TEKT4: variants seen among roughly 807,000 people sequenced by gnomAD.
TEKT4 encodes tektin 4, also known as tektin-4.
Under a neutral mutation model 46.0 loss-of-function variants are expected in TEKT4, and 46 were observed. The observed-to-expected ratio is 1.00, with a 90% CI of 0.79 to 1.28. The LOEUF (loss-of-function observed/expected upper bound fraction) is 1.28, where lower values mean the gene tolerates loss of function less well. Ranked by LOEUF, TEKT4 falls within the 50% of genes most tolerant of loss-of-function variation. TEKT4 has a pLI of 0.00. For missense variants in TEKT4, 790 were observed against 622.9 expected (o/e 1.27, Z -2.85); for synonymous variants, 325 against 265.8 (o/e 1.22, Z -2.17).
chr2:94,876,535 C>G lies in TEKT4; in HGVS notation c.1092-18C>G, dbSNP rs1382778409. 3 of 1,587,078 alleles carry G rather than the reference C, an allele frequency of 1.9e-6. No homozygotes were observed. Among genetic ancestry groups the G allele is most frequent in the Non-Finnish European group, 2.6e-6 (3 of 1,167,980 alleles). On this transcript the variant is annotated intron_variant, in intron 5 of 5. Transcript: ENST00000295201. ...CTGCCCTCCCTAGCCCCGGCTCACACCCCCCCAACACCCCCAGGCTGTTGA... is the reference window on the plus strand; with the variant it reads ...CTGCCCTCCCTAGCCCCGGCTCACAGCCCCCCAACACCCCCAGGCTGTTGA...
rs536981297 is a variant in TEKT4, at chr2:94,875,626, G to T, written c.975G>T (p.Ala325=). ...TCACAGATCAGGAACACAACGTGGC[G>T]GCACTGAAGCAGGCCATCAAGGACA... ...REITDQEHNV[A]ALKQAIKDKE... Residue 325 remains alanine (A), a synonymous_variant, in exon 5 of 6, where the codon GCG becomes GCT. Transcript: ENST00000295201. 1.2e-6 allele frequency: 2 copies of T among 1,614,018 alleles called. No individual in the cohort carries two copies. Among genetic ancestry groups the T allele is most frequent in the Admixed American group, 1.7e-5 (1 of 60,010 alleles).
Position 94,876,639 on chromosome 2 carries a change from T to C in TEKT4, c.1178T>C (p.Leu393Pro). Residue 393 changes from leucine (L) to proline (P), a missense_variant, in exon 6 of 6, where the codon CTC becomes CCC. Coordinates refer to ENST00000295201, the MANE Select transcript of TEKT4 (RefSeq NM_144705.4). ...GAAGCGGAGCAGTCCCTGCGCAACCTCGAGGACATCCACATGAGCCTGGAG... is the reference window on the plus strand; with the variant it reads ...GAAGCGGAGCAGTCCCTGCGCAACCCCGAGGACATCCACATGAGCCTGGAG... ...LLEAEQSLRN[L>P]EDIHMSLEKD... is the part of the protein sequence containing the mutation. The C allele has an allele frequency of 1.2e-6, 2 of 1,613,160 alleles. No individual in the cohort carries two copies. Among genetic ancestry groups the C allele is most frequent in the Non-Finnish European group, 1.7e-6 (2 of 1,179,940 alleles).
At position 94,871,931 on chromosome 2, in the gene TEKT4, T is replaced by C. The variant is rs1553394675; in HGVS notation, c.352T>C (p.Leu118=). The part of the protein sequence containing the change: ...EMEALAAETN[L]LLAQKQRLER... ...GGAGGCGCTGGCTGCGGAGACCAAC[T>C]TGCTCCTGGCCCAGAAGCAACGGCT... Residue 118 remains leucine (L), a synonymous_variant, in exon 1 of 6, where the codon TTG becomes CTG. Transcript: ENST00000295201. 2 of 1,599,704 alleles carry C rather than the reference T, an allele frequency of 1.3e-6. No homozygotes were observed. The highest frequency in any genetic ancestry group is 1.3e-5 in the African/African-American group (1 of 74,958).
chr2:94,875,634 A>G lies in TEKT4; in HGVS notation c.983A>G (p.Lys328Arg), dbSNP rs781830360. 5.6e-6 allele frequency: 9 copies of G among 1,614,078 alleles called. No individual in the cohort carries two copies. Among genetic ancestry groups the G allele is most frequent in the Middle Eastern group, 3.3e-4 (2 of 6,082 alleles). Reference protein sequence around the residue: ...TDQEHNVAALKQAIKDKEAPL... With the variant: ...TDQEHNVAALRQAIKDKEAPL... ...CAGGAACACAACGTGGCGGCACTGA[A>G]GCAGGCCATCAAGGACAAAGAGGCA... Residue 328 changes from lysine (K) to arginine (R), a missense_variant, in exon 5 of 6, where the codon AAG (lysine) becomes AGG (arginine). Coordinates refer to ENST00000295201, the MANE Select transcript of TEKT4 (RefSeq NM_144705.4).
Position 94,875,240 on chromosome 2 carries a change from G to A in TEKT4, c.936+242G>A, listed in dbSNP as rs561483657. ...GTGGTCTGGGGAACACTGACCGCCC[G>A]GGAGGTCCCCAAGAGTCCTGGCCTG... On this transcript the variant is annotated intron_variant, in intron 4 of 5. Transcript: ENST00000295201. Among the ~76,000 whole-genome samples, 61 of 152,292 alleles carry A rather than the reference G, an allele frequency of 4.0e-4. No individual in the cohort carries two copies. In the South Asian group the frequency reaches 4.8e-3, roughly 12 times the overall value.
At position 94,873,958 on chromosome 2, in the gene TEKT4, G is replaced by A. The variant is rs534932103; in HGVS notation, c.570-7G>A. Reference sequence around the variant, plus strand: ...ACACATCAAGGCCCTGCCCCACCCCGCCCCAGACTGAACCGGGAGCACAAG... The same window carrying A: ...ACACATCAAGGCCCTGCCCCACCCCACCCCAGACTGAACCGGGAGCACAAG... On this transcript the variant is annotated splice_region_variant and splice_polypyrimidine_tract_variant and intron_variant, in intron 2 of 5. Transcript: ENST00000295201. 2.4e-5 allele frequency: 26 copies of A among 1,085,002 alleles called. 1 individual carries two copies. Among genetic ancestry groups the A allele is most frequent in the African/African-American group, 1.8e-4 (11 of 61,980 alleles). 67.2% of individuals were successfully genotyped at this position (1,085,002 alleles called of 1,614,324 possible).
At chr2:94,875,801 T>A in intron 5 of TEKT4, 59 bp downstream of exon 5, 3 of 1,557,212 alleles carry the variant, frequency 1.9e-6, no homozygotes, top group Non-Finnish European at 2.6e-6. Flanking sequence ...TCCCTGTGAC[T>A]CTCTCCAATA....
Position 94,871,972 on chromosome 2 carries a change from C to A in TEKT4, c.393C>A (p.Asp131Glu). The change falls in exon 1 of 6, where the codon GAC (aspartate) becomes GAA (glutamate). Residue 131 changes from aspartate (D) to glutamate (E), a missense_variant. Transcript: ENST00000295201. Reference sequence around the variant, plus strand: ...AGCAACGGCTGGAGCGCGCCCTGGACGCCACAGAGGTGCCCTTCTCCATCA... The same window carrying A: ...AGCAACGGCTGGAGCGCGCCCTGGAAGCCACAGAGGTGCCCTTCTCCATCA... ...AQKQRLERALDATEVPFSITT... is the reference protein window; with the variant it reads ...AQKQRLERALEATEVPFSITT... 1 of 1,601,546 alleles carries A rather than the reference C, an allele frequency of 6.2e-7. No homozygotes were observed. Among genetic ancestry groups the A allele is most frequent in the Non-Finnish European group, 8.5e-7 (1 of 1,176,838 alleles).
intron 5 of TEKT4, among the ~76,000 whole-genome samples, chr2:94,876,309 A>T (rs1179034629): frequency 6.6e-6 from 1 of 152,154 alleles, no homozygotes; most frequent in Non-Finnish European, 1.5e-5. Context: ...GGCTGAGGCC[A>T]GTCCTGTCCT....
In TEKT4 at chr2:94,871,569, C is replaced by T. The variant is rs782428062; in HGVS notation, c.-11C>T. ...TCCTCACTCCCCTGGCCCTGGTGGG[C>T]GGCAGGCACCATGGCGCAGACAGTG... is the stretch of plus-strand genomic sequence containing the variant. On this transcript the variant is annotated 5_prime_UTR_variant, in exon 1 of 6. Transcript: ENST00000295201. 31 of 1,586,518 alleles carry T rather than the reference C, an allele frequency of 2.0e-5. No individual in the cohort carries two copies. The highest frequency in any genetic ancestry group is 6.9e-5 in the South Asian group (6 of 87,100).
Position 94,875,104 on chromosome 2 carries a change from T to C in TEKT4, c.936+106T>C, listed in dbSNP as rs1425462436. On this transcript the variant is annotated intron_variant, in intron 4 of 5. Coordinates refer to ENST00000295201, the MANE Select transcript of TEKT4 (RefSeq NM_144705.4). Reference sequence around the variant, plus strand: ...TATCCCGAGGGACCCCAGAAGCAAGTGTCTCCTCTCCGTAAACCTATGTAA... The same window carrying C: ...TATCCCGAGGGACCCCAGAAGCAAGCGTCTCCTCTCCGTAAACCTATGTAA... The C allele has an allele frequency of 1.2e-5, 14 of 1,211,316 alleles. No homozygotes were observed. In the African/African-American group the frequency reaches 1.7e-4, roughly 15 times the overall value. 75.0% of individuals were successfully genotyped at this position (1,211,316 alleles called of 1,614,324 possible). A position where few individuals can be genotyped will look rare whatever the true frequency, so the allele number is the denominator to read the frequency against.
At chr2:94,875,122 C>T in intron 4 of TEKT4, 124 bp downstream of exon 4, 2 of 1,048,584 alleles carry the variant, frequency 1.9e-6, no homozygotes, top group African/African-American at 3.2e-5. Context: ...CTCCGTAAAC[C>T]TATGTAAAAC....
chr2:94,873,270 C>T, intron 1 of TEKT4: 1 of 1,361,074 alleles, frequency 7.3e-7, no homozygotes, highest in Non-Finnish European at 9.5e-7. Context: ...GTGGGAACTG[C>T]CGCTGAGGGA....
In TEKT4 at chr2:94,873,832, C is replaced by A. The variant is rs181118979; in HGVS notation, c.570-133C>A. The stretch of plus-strand genomic sequence containing the variant: ...CGCAGCTCCTGGTCACTGCTGAGCA[C>A]GAGGGCTGCCCGGGACAGGCCCACC... On this transcript the variant is annotated intron_variant, in intron 2 of 5. Transcript: ENST00000295201. 4.5e-6 allele frequency: 6 copies of A among 1,337,864 alleles called. No individual in the cohort carries two copies. In the African/African-American group the frequency reaches 7.3e-5, roughly 16 times the overall value. The allele number at this position is 1,337,864 out of a possible 1,614,324, so 82.9% of individuals were successfully genotyped here. A position where few individuals can be genotyped will look rare whatever the true frequency, so the allele number is the denominator to read the frequency against.
rs1210844467 is a variant in TEKT4 at position 94,874,768 on chromosome 2, C to T, written c.714-8C>T. 2.6e-6 allele frequency: 4 copies of T among 1,557,864 alleles called. No individual in the cohort carries two copies. The highest frequency in any genetic ancestry group is 1.2e-5 in the South Asian group (1 of 85,194). On this transcript the variant is annotated splice_polypyrimidine_tract_variant and splice_region_variant and intron_variant, in intron 3 of 5. Coordinates refer to ENST00000295201, the MANE Select transcript of TEKT4 (RefSeq NM_144705.4). ...CCGACCCTCTCCTGGCTGTCCCCCGCCCCGCAGCGCCTCCACCCCGGAGAC... is the reference window on the plus strand; with the variant it reads ...CCGACCCTCTCCTGGCTGTCCCCCGTCCCGCAGCGCCTCCACCCCGGAGAC...
At position 94,871,717 on chromosome 2, in the gene TEKT4, G is replaced by C; in HGVS notation, c.138G>C (p.Gln46His). 6.2e-7 allele frequency: 1 copy of C among 1,612,614 alleles called. No homozygotes were observed. Among genetic ancestry groups the C allele is most frequent in the South Asian group, 1.1e-5 (1 of 91,086 alleles). Reference protein sequence around the residue: ...TSKYLLEEWFQNCYARYHQAF... With the variant: ...TSKYLLEEWFHNCYARYHQAF... ...AGTACCTGCTGGAGGAGTGGTTCCA[G>C]AACTGCTATGCTCGCTACCACCAGG... is the stretch of plus-strand genomic sequence containing the variant. Residue 46 changes from glutamine (Q) to histidine (H), a missense_variant, in exon 1 of 6, where the codon CAG becomes CAC. Physicochemically the swap from Gln to His is conservative, Grantham distance 24. Coordinates refer to ENST00000295201, the MANE Select transcript of TEKT4 (RefSeq NM_144705.4).
intron 1 of TEKT4, chr2:94,872,982 G>C: frequency 7.8e-7 from 1 of 1,289,460 alleles, no homozygotes; most frequent in Non-Finnish European, 1.0e-6. Context: ...ACACAAGGAA[G>C]TACCCAGTGG....
rs202183695 is a variant in TEKT4, at chr2:94,875,723, C to T, written c.1072C>T (p.Arg358Cys). ...RSHRPNMELC[R>C]DAAQFRLLSE... Reference sequence around the variant, plus strand: ...GCACCGGCCCAACATGGAGCTGTGCCGTGACGCAGCCCAGTTCAGGTGCTG... The same window carrying T: ...GCACCGGCCCAACATGGAGCTGTGCTGTGACGCAGCCCAGTTCAGGTGCTG... Residue 358 changes from arginine to cysteine, a missense_variant, in exon 5 of 6, where the codon CGT (arginine) becomes TGT (cysteine). Coordinates refer to ENST00000295201, the MANE Select transcript of TEKT4 (RefSeq NM_144705.4). 1.9e-6 allele frequency: 3 copies of T among 1,613,992 alleles called. No homozygotes were observed. Among genetic ancestry groups the T allele is most frequent in the Non-Finnish European group, 2.5e-6 (3 of 1,179,900 alleles).
chr2:94,873,943 G>A, intron 2 of TEKT4, 22 bp from the exon 3 acceptor site: 1 of 1,613,312 alleles, frequency 6.2e-7, no homozygotes, highest in South Asian at 1.1e-5. Context: ...ACACATCAAG[G>A]CCCTGCCCCA....
Sources: allele counts gnomAD v4.1 joint callset (sites outside exome capture counted in the v4.1 genomes callset), GRCh38; gene constraint gnomAD v4.1.1; transcripts MANE v1.5; gene names NCBI Gene and HGNC (gene_info 2026-07-23, HGNC 2026-07-21).